SLC24A4: variants seen among roughly 807,000 people sequenced by gnomAD.
SLC24A4 encodes sodium/potassium/calcium exchanger 4.
Under a neutral mutation model 79.0 loss-of-function variants are expected in SLC24A4, and 53 were observed. That is an observed-to-expected ratio of 0.67 (90% CI 0.54 to 0.84). The LOEUF is 0.84. Ranked by LOEUF, SLC24A4 falls within the 40% of genes least tolerant of loss-of-function variation. The pLI, the probability that SLC24A4 is intolerant of heterozygous loss-of-function variation, is 0.00. For missense variants in SLC24A4, 731 were observed against 822.0 expected (o/e 0.89, Z 1.35); for synonymous variants, 323 against 323.8 (o/e 1.00, Z 0.03).
intron 2 of SLC24A4, among the ~76,000 whole-genome samples, chr14:92,420,111 T>C (rs1331185170): frequency 6.6e-6 from 1 of 152,180 alleles, no homozygotes; most frequent in Non-Finnish European, 1.5e-5. Flanking sequence ...GTGGAGCTGA[T>C]TGCCCCTAAG....
chr14:92,465,349 C>T (rs750490816), intron 12 of SLC24A4, among the ~76,000 whole-genome samples: 31 of 152,286 alleles, frequency 2.0e-4, no homozygotes, highest in Non-Finnish European at 4.4e-4. Flanking sequence ...TGTCAGAAGC[C>T]TTGAGATCCC....
intron 2 of SLC24A4, among the ~76,000 whole-genome samples, chr14:92,349,988 T>G (rs1886779250): frequency 6.6e-6 from 1 of 152,214 alleles, no homozygotes; most frequent in Non-Finnish European, 1.5e-5. Context: ...CTGGCAGATA[T>G]TTCACCAGAA....
Position 92,398,432 on chromosome 14 carries a change from A to G in SLC24A4, c.242-35480A>G, listed in dbSNP as rs1172959467. On this transcript the variant is annotated intron_variant, in intron 2 of 16. Transcript: ENST00000532405. This position sits in a 1 kb window ranked among gnomAD's most constrained non-coding sequence, Gnocchi z 4.1. ...GGGCATGGGAGAACCGTTTGAGAGG[A>G]AGAATGGGTAAGACTATTGGAGGTG... Among the ~76,000 whole-genome samples, 1 of 152,162 alleles carries G rather than the reference A, an allele frequency of 6.6e-6. No homozygotes were observed. Among genetic ancestry groups the G allele is most frequent in the Non-Finnish European group, 1.5e-5 (1 of 68,022 alleles).
intron 2 of SLC24A4, among the ~76,000 whole-genome samples, chr14:92,384,817 C>A (rs891734405): frequency 6.6e-6 from 1 of 152,156 alleles, no homozygotes; most frequent in Non-Finnish European, 1.5e-5. Flanking sequence ...TGACTTAAAG[C>A]CTTGCTCAGG....
intron 2 of SLC24A4, among the ~76,000 whole-genome samples, chr14:92,373,477 T>G (rs956087297): frequency 6.6e-6 from 1 of 152,222 alleles, no homozygotes; most frequent in African/African-American, 2.4e-5. Flanking sequence ...CCCCTCCTTG[T>G]GATGGGCTAC....
At chr14:92,433,871 C>G (rs764793394) in intron 2 of SLC24A4, 41 bp from the exon 3 acceptor site, 4 of 1,553,744 alleles carry the variant, frequency 2.6e-6, no homozygotes, top group Non-Finnish European at 1.8e-6. Flanking sequence ...TCGGGAGGCC[C>G]ATAGATAACT....
intron 2 of SLC24A4, among the ~76,000 whole-genome samples, chr14:92,410,283 G>A (rs207475145): frequency 1.3e-5 from 2 of 152,210 alleles, no homozygotes; most frequent in African/African-American, 4.8e-5. Context: ...CTGGGCTCAA[G>A]TGATCCTCCT....
intron 12 of SLC24A4, among the ~76,000 whole-genome samples, chr14:92,472,266 C>T (rs1894477895): frequency 6.6e-6 from 1 of 152,108 alleles, no homozygotes; most frequent in African/African-American, 2.4e-5. Flanking sequence ...TTTTCATTTC[C>T]ATAAGTTTTG....
At chr14:92,418,738 A>G (rs562456864) in intron 2 of SLC24A4, among the ~76,000 whole-genome samples, 3 of 152,110 alleles carry the variant, frequency 2.0e-5, no homozygotes, top group South Asian at 2.1e-4. Context: ...GTCTCACTCT[A>G]TCCCCCAGGC....
At chr14:92,388,386 C>G (rs1035270121) in intron 2 of SLC24A4, among the ~76,000 whole-genome samples, 1 of 152,198 alleles carries the variant, frequency 6.6e-6, no homozygotes, top group Non-Finnish European at 1.5e-5. Context: ...GGAGTGAGGT[C>G]TGTGGTTCTG....
chr14:92,386,793 G>C (rs1889181760), intron 2 of SLC24A4, among the ~76,000 whole-genome samples: 1 of 152,192 alleles, frequency 6.6e-6, no homozygotes, highest in South Asian at 2.1e-4. Context: ...AGGATGATTT[G>C]CCCGGCTGTG....
chr14:92,410,435 C>T (rs893033452), intron 2 of SLC24A4, among the ~76,000 whole-genome samples: 1 of 152,188 alleles, frequency 6.6e-6, no homozygotes, highest in Admixed American at 6.5e-5. Flanking sequence ...TCACCTTGGC[C>T]TCCCAAAGCA....
Position 92,490,137 on chromosome 14 carries a change from G to A in SLC24A4, c.1538-1528G>A, listed in dbSNP as rs1403530596. On this transcript the variant is annotated intron_variant, in intron 14 of 16. Coordinates refer to ENST00000532405, the MANE Select transcript of SLC24A4 (RefSeq NM_153646.4). This position sits in a 1 kb window ranked among gnomAD's most constrained non-coding sequence, Gnocchi z 4.3. ...GCAGTCGAACAGAGATGGGCCACCT[G>A]TGTGGGTGCCGATCTGAGTTGCCTG... is the stretch of plus-strand genomic sequence containing the variant. Among the ~76,000 whole-genome samples, 2 of 152,210 alleles carry A rather than the reference G, an allele frequency of 1.3e-5. No homozygotes were observed. Among genetic ancestry groups the A allele is most frequent in the African/African-American group, 4.8e-5 (2 of 41,454 alleles).
At chr14:92,419,089 A>G (rs188163941) in intron 2 of SLC24A4, among the ~76,000 whole-genome samples, 468 of 152,282 alleles carry the variant, frequency 3.1e-3, no homozygotes, top group African/African-American at 0.011. Flanking sequence ...CTTAAAGTCC[A>G]TTGATTGTAG....
At chr14:92,456,101 A>G (rs1189312037) in intron 11 of SLC24A4, among the ~76,000 whole-genome samples, 3 of 152,256 alleles carry the variant, frequency 2.0e-5, no homozygotes, top group East Asian at 1.9e-4. Context: ...GAACGTCACC[A>G]GGGAGAGCCC....
chr14:92,355,199 A>G (rs541251742), intron 2 of SLC24A4, among the ~76,000 whole-genome samples: 93 of 152,336 alleles, frequency 6.1e-4, no homozygotes, highest in African/African-American at 2.1e-3. Context: ...AGAGGCCTCA[A>G]TTCGCTGAGA....
At chr14:92,491,599 A>G in intron 14 of SLC24A4, 66 bp from the exon 15 acceptor site, 1 of 1,073,354 alleles carries the variant, frequency 9.3e-7, no homozygotes, top group Non-Finnish European at 1.5e-6. Context: ...TAGAACAGTT[A>G]GGAGAAAGAA....
intron 2 of SLC24A4, among the ~76,000 whole-genome samples, chr14:92,336,358 T>C (rs1885802586): frequency 6.6e-6 from 1 of 152,234 alleles, no homozygotes; most frequent in Admixed American, 6.5e-5. Context: ...AGTGCCGGAA[T>C]AATTTACTGC....
chr14:92,392,503 A>G (rs568118597), intron 2 of SLC24A4, among the ~76,000 whole-genome samples: 2 of 151,908 alleles, frequency 1.3e-5, no homozygotes, highest in South Asian at 4.2e-4. Flanking sequence ...ACAGCTTCTC[A>G]TCTCTGCATC....
Sources: gnomAD v4.1 joint callset for allele counts (sites outside exome capture counted in the v4.1 genomes callset) on GRCh38, gnomAD v4.1.1 for gene constraint, Gnocchi (gnomAD v3.1) non-coding constraint, MANE v1.5 for transcripts, NCBI Gene and HGNC (gene_info 2026-07-23, HGNC 2026-07-21) for gene names.